ATP6V1D: variants seen among roughly 807,000 people sequenced by gnomAD.
ATP6V1D encodes ATPase H+ transporting V1 subunit D, also known as V-type proton ATPase subunit D.
ATP6V1D carries 20 observed loss-of-function variants against 39.4 expected under a neutral mutation model. That is an observed-to-expected ratio of 0.51 (90% CI 0.36 to 0.74). The LOEUF is 0.74. ATP6V1D is among the 30% of genes least tolerant of loss of function. The pLI, the probability that ATP6V1D is intolerant of heterozygous loss-of-function variation, is 0.00. For synonymous variants in ATP6V1D, 100 were observed against 100.5 expected, an observed-to-expected ratio of 0.99 and a Z score of 0.03; for missense variants, 228 against 291.6, an observed-to-expected ratio of 0.78 and a Z score of 1.59.
At chr14:67,351,509 TTATTA>T (rs1453222731) in intron 2 of ATP6V1D, among the ~76,000 whole-genome samples, 1 of 152,150 alleles carries the variant, frequency 6.6e-6, no homozygotes, top group African/African-American at 2.4e-5. Context: ...TTTTAACTTT[TTATTA>T]TTTTTATTTT....
intron 1 of ATP6V1D, among the ~76,000 whole-genome samples, chr14:67,359,306 T>C (rs1211590601): frequency 6.6e-6 from 1 of 152,192 alleles, no homozygotes; most frequent in Non-Finnish European, 1.5e-5. Flanking sequence ...AACTGTGAGC[T>C]CTGTAGGGCA....
chr14:67,339,139 G>C (rs897042100), intron 8 of ATP6V1D, among the ~76,000 whole-genome samples: 1 of 151,756 alleles, frequency 6.6e-6, no homozygotes, highest in African/African-American at 2.4e-5. Flanking sequence ...GGGAATACAG[G>C]CGCATGCTGC....
At chr14:67,357,192 G>A (rs2085691049) in intron 1 of ATP6V1D, among the ~76,000 whole-genome samples, 1 of 152,174 alleles carries the variant, frequency 6.6e-6, no homozygotes, top group South Asian at 2.1e-4. Flanking sequence ...ACGAAAGTGG[G>A]TGAAAGTAAC....
At chr14:67,341,464 G>GGGGGGTCAGCCCCCGGCCCGGCCA (rs2085582208) in intron 7 of ATP6V1D, among the ~76,000 whole-genome samples, 1 of 152,064 alleles carries the variant, frequency 6.6e-6, no homozygotes, top group African/African-American at 2.4e-5. Flanking sequence ...GAGGGAGGTT[G>GGGGGGTCAGCCCCCGGCCCGGCCA]GGGGGTCAGC....
chr14:67,347,882 T>C (rs982780398), intron 4 of ATP6V1D, among the ~76,000 whole-genome samples: 8 of 151,644 alleles, frequency 5.3e-5, no homozygotes, highest in Middle Eastern at 6.8e-3. Context: ...GGAATTGTAA[T>C]TGGTTTCAAT....
chr14:67,359,771 A>G lies in ATP6V1D; in HGVS notation c.-73T>C. On this transcript the variant is annotated 5_prime_UTR_variant, in exon 1 of 9. Coordinates refer to ENST00000216442, the MANE Select transcript of ATP6V1D (RefSeq NM_015994.4). ...TGCAATAGCTCCAGAACTGGCCTCC[A>G]CAGTGTCTTCCTCTACGGGAGTCAG... 6.4e-7 allele frequency: 1 copy of G among 1,564,714 alleles called. No homozygotes were observed. The highest frequency in any genetic ancestry group is 1.7e-4 in the Middle Eastern group (1 of 5,790).
intron 1 of ATP6V1D, among the ~76,000 whole-genome samples, chr14:67,356,664 C>T (rs78066408): frequency 3.9e-3 from 590 of 152,286 alleles, no homozygotes; most frequent in Middle Eastern, 0.014. Context: ...TTTGATTCCA[C>T]TGACTTTCCC....
At chr14:67,355,545 A>G (rs868265000) in intron 1 of ATP6V1D, among the ~76,000 whole-genome samples, 1 of 150,302 alleles carries the variant, frequency 6.7e-6, no homozygotes, top group African/African-American at 2.4e-5. Context: ...ATAAGGAATT[A>G]TGACAGAAGC....
chr14:67,350,610 C>A lies in ATP6V1D; in HGVS notation c.239+1G>T. ...CAAAACACCCCGTTTAGTCCCCTTACCTGAAGTCACCTGCTGTGAACTTGG... is the reference window on the plus strand; with the variant it reads ...CAAAACACCCCGTTTAGTCCCCTTAACTGAAGTCACCTGCTGTGAACTTGG... On this transcript the variant is annotated splice_donor_variant, in intron 3 of 8. Coordinates refer to ENST00000216442, the MANE Select transcript of ATP6V1D (RefSeq NM_015994.4). LOFTEE classifies it high-confidence loss of function. 1 of 1,612,802 alleles carries A rather than the reference C, an allele frequency of 6.2e-7. No individual in the cohort carries two copies. Among genetic ancestry groups the A allele is most frequent in the Non-Finnish European group, 8.5e-7 (1 of 1,179,258 alleles).
intron 3 of ATP6V1D, 70 bp downstream of exon 3, chr14:67,350,541 C>A: frequency 7.4e-7 from 1 of 1,347,600 alleles, no homozygotes; most frequent in Admixed American, 2.1e-5. Flanking sequence ...TTAAAAAATG[C>A]TTTTTAAATG....
At chr14:67,340,562 C>G in intron 7 of ATP6V1D, 44 bp from the exon 8 acceptor site, 1 of 1,516,724 alleles carries the variant, frequency 6.6e-7, no homozygotes, top group Non-Finnish European at 9.1e-7. Context: ...CTTCAAACCC[C>G]TTTTTTCAAA....
chr14:67,359,260 C>T (rs1228158229), intron 1 of ATP6V1D, among the ~76,000 whole-genome samples: 9 of 152,216 alleles, frequency 5.9e-5, no homozygotes, highest in African/African-American at 7.2e-5. Context: ...TTATTAAAAC[C>T]TCCTTGGCCT....
At chr14:67,357,780 G>C (rs1386046578) in intron 1 of ATP6V1D, among the ~76,000 whole-genome samples, 1 of 152,210 alleles carries the variant, frequency 6.6e-6, no homozygotes, top group Non-Finnish European at 1.5e-5. Flanking sequence ...AGAAGAGTCA[G>C]AGAAGAGAAA....
rs970350105 is a variant in ATP6V1D at position 67,352,884 on chromosome 14, T to C, written c.159+39A>G. 2.1e-6 allele frequency: 3 copies of C among 1,422,104 alleles called. No individual in the cohort carries two copies. In the East Asian group the frequency reaches 7.1e-5, roughly 34 times the overall value. The allele number at this position is 1,422,104 out of a possible 1,614,324, so 88.1% of individuals were successfully genotyped here. On this transcript the variant is annotated intron_variant, in intron 2 of 8. Transcript: ENST00000216442. ...AAATGCCAAGGGCCATGCTGGATTT[T>C]TCTAAAATAAATACTATTCTAAGAA...
intron 1 of ATP6V1D, among the ~76,000 whole-genome samples, chr14:67,357,624 C>A (rs1373116756): frequency 6.6e-6 from 1 of 152,138 alleles, no homozygotes; most frequent in African/African-American, 2.4e-5. Flanking sequence ...ATAAACCCAG[C>A]CAGACATTCG....
intron 8 of ATP6V1D, among the ~76,000 whole-genome samples, chr14:67,339,338 A>G (rs2085562770): frequency 6.6e-6 from 1 of 152,106 alleles, no homozygotes; most frequent in South Asian, 2.1e-4. Flanking sequence ...CCATTCTCGA[A>G]TGGAACAGAT....
chr14:67,359,533 A>T lies in ATP6V1D; in HGVS notation c.41+125T>A, dbSNP rs1488608855. ...GAAGCCTCGCCCTAGACTCAAGAAA[A>T]GAACCTGGGAAAAGCTCAGGATCCT... On this transcript the variant is annotated intron_variant, in intron 1 of 8. Coordinates refer to ENST00000216442, the MANE Select transcript of ATP6V1D (RefSeq NM_015994.4). The T allele has an allele frequency of 1.8e-5, 20 of 1,103,058 alleles. No homozygotes were observed. The Admixed American group carries it at 4.5e-4, about 25-fold the overall frequency. The allele number at this position is 1,103,058 out of a possible 1,614,324, so 68.3% of individuals were successfully genotyped here.
At chr14:67,339,975 G>A (rs965030165) in intron 8 of ATP6V1D, 2 of 148,216 alleles carry the variant, frequency 1.3e-5, no homozygotes, top group African/African-American at 2.5e-5. Context: ...GGTGACACAT[G>A]AGCCAAGATC....
At position 67,342,557 on chromosome 14, in the gene ATP6V1D, CT is replaced by C. The variant is rs767148771; in HGVS notation, c.523+814del. Among the ~76,000 whole-genome samples the C allele has an allele frequency of 3.5e-3, 475 of 136,936 alleles. 2 individuals carry two copies. The highest frequency in any genetic ancestry group is 5.4e-3 in the African/African-American group (198 of 36,874). 89.8% of individuals were successfully genotyped at this position (136,936 alleles called of 152,430 possible). ...CTGAGGGTAAGAACTACGAATTATC[CT>C]TTTTTTTTTTTTTTTCTTTGCTTCC... On this transcript the variant is annotated intron_variant, in intron 7 of 8. Transcript: ENST00000216442.
Sources: gnomAD v4.1 joint callset for allele counts (sites outside exome capture counted in the v4.1 genomes callset) on GRCh38, gnomAD v4.1.1 for gene constraint, MANE v1.5 for transcripts, NCBI Gene and HGNC (gene_info 2026-07-23, HGNC 2026-07-21) for gene names.